Variants in ATP13A3 observed in about 807,000 individuals in gnomAD.
ATP13A3 encodes the protein ATPase 13A3.
A neutral mutation model predicts 158.1 loss-of-function variants in ATP13A3; 59 were observed. That is an observed-to-expected ratio of 0.37 (90% CI 0.30 to 0.46). The LOEUF is 0.46. ATP13A3 is among the 20% of genes least tolerant of loss of function. ATP13A3 has a pLI of 1.00. For synonymous variants in ATP13A3, 491 were observed against 504.3 expected (o/e 0.97, Z 0.35); for missense variants, 1,166 against 1,525.2 (o/e 0.76, Z 3.92).
Position 194,450,052 on chromosome 3 carries a change from A to C in ATP13A3, c.970+93T>G, listed in dbSNP as rs952544216. ...CCAACATATTCATGAGTAAAGGTAC[A>C]AATGACATAGCTAATTTTGAAAAGG... is the stretch of plus-strand genomic sequence containing the variant. On this transcript the variant is annotated intron_variant, in intron 11 of 33. Transcript: ENST00000645319. 88 of 1,330,804 alleles carry C rather than the reference A, an allele frequency of 6.6e-5. 2 individuals carry two copies. The Middle Eastern group carries it at 9.4e-4, about 14-fold the overall frequency. The allele number at this position is 1,330,804 out of a possible 1,614,324, so 82.4% of individuals were successfully genotyped here.
intron 23 of ATP13A3, 40 bp from the exon 24 acceptor site, chr3:194,431,062 G>A (rs762414017): frequency 9.3e-5 from 150 of 1,613,166 alleles, no homozygotes; most frequent in Non-Finnish European, 1.1e-4. Flanking sequence ...ATACTGTTGC[G>A]ATGCATTCAT....
At position 194,455,979 on chromosome 3, in the gene ATP13A3, C is replaced by T. The variant is rs759819230; in HGVS notation, c.561-17G>A. On this transcript the variant is annotated splice_polypyrimidine_tract_variant and intron_variant, in intron 7 of 33. Coordinates refer to ENST00000645319, the MANE Select transcript of ATP13A3 (RefSeq NM_001367549.1). ...AGCAGTTTTCTATAACAGGAAAATA[C>T]ATTCATAGTATTACATTATATCATA... 7.0e-7 allele frequency: 1 copy of T among 1,425,774 alleles called. No individual in the cohort carries two copies. The highest frequency in any genetic ancestry group is 1.3e-5 in the South Asian group (1 of 78,932). The allele number at this position is 1,425,774 out of a possible 1,614,324, so 88.3% of individuals were successfully genotyped here.
chr3:194,410,953 TGTGTG>T (rs1560067432), intron 33 of ATP13A3, among the ~76,000 whole-genome samples: 2 of 151,404 alleles, frequency 1.3e-5, no homozygotes, highest in Non-Finnish European at 2.9e-5. Context: ...TGTGTGTGTG[TGTGTG>T]TGTGTGTGTG....
intron 31 of ATP13A3, among the ~76,000 whole-genome samples, chr3:194,418,677 T>C (rs566331816): frequency 6.6e-6 from 1 of 152,370 alleles, no homozygotes; most frequent in East Asian, 1.9e-4. Flanking sequence ...AACAACAGGA[T>C]GTCAAACACT....
At chr3:194,449,381 G>A (rs1004027240) in intron 11 of ATP13A3, among the ~76,000 whole-genome samples, 7 of 152,040 alleles carry the variant, frequency 4.6e-5, no homozygotes, top group Middle Eastern at 3.4e-3. Flanking sequence ...AAATTCACAC[G>A]ATTAAAATAA....
chr3:194,439,154 T>A (rs551795354), intron 16 of ATP13A3, among the ~76,000 whole-genome samples, 182 bp from the exon 17 acceptor site: 1 of 152,154 alleles, frequency 6.6e-6, no homozygotes, highest in Admixed American at 6.5e-5. Flanking sequence ...AAAGAAAATA[T>A]GAACAAAGAT....
At chr3:194,449,764 G>A (rs1302648817) in intron 11 of ATP13A3, among the ~76,000 whole-genome samples, 2 of 151,772 alleles carry the variant, frequency 1.3e-5, no homozygotes, top group African/African-American at 4.8e-5. Flanking sequence ...TTTAAAGCCT[G>A]TATCTCCTCA....
At chr3:194,411,674 A>G (rs2108727194) in intron 33 of ATP13A3, among the ~76,000 whole-genome samples, 1 of 152,306 alleles carries the variant, frequency 6.6e-6, no homozygotes, top group Non-Finnish European at 1.5e-5. Flanking sequence ...TCTGAATACT[A>G]AGGTATACAA....
intron 21 of ATP13A3, chr3:194,432,104 A>G (rs1717267381): frequency 4.5e-6 from 2 of 440,784 alleles, no homozygotes; most frequent in African/African-American, 2.0e-5. Flanking sequence ...TATATGCTAA[A>G]GAAAACATCT....
intron 15 of ATP13A3, among the ~76,000 whole-genome samples, chr3:194,443,469 G>A (rs1418405826): frequency 6.6e-6 from 1 of 152,122 alleles, no homozygotes; most frequent in African/African-American, 2.4e-5. Flanking sequence ...GCACATCATG[G>A]CACAGAAAGA....
At chr3:194,493,424 A>T (rs1721167799) in intron 2 of ATP13A3, among the ~76,000 whole-genome samples, 1 of 152,118 alleles carries the variant, frequency 6.6e-6, no homozygotes, top group Non-Finnish European at 1.5e-5. Context: ...AGGCAGGTGG[A>T]TCACTTGAGG....
intron 33 of ATP13A3, among the ~76,000 whole-genome samples, chr3:194,411,208 T>TA (rs1715404232): frequency 6.6e-6 from 1 of 151,828 alleles, no homozygotes; most frequent in South Asian, 2.1e-4. Context: ...ATGACCAAAA[T>TA]AAAGCTCAGG....
At position 194,403,908 on chromosome 3, in the gene ATP13A3, T is replaced by G; in HGVS notation, c.*2011A>C. 1 of 285,978 alleles carries G rather than the reference T, an allele frequency of 3.5e-6. No individual in the cohort carries two copies. The highest frequency in any genetic ancestry group is 2.7e-5 in the South Asian group (1 of 37,372). 17.7% of individuals were successfully genotyped at this position (285,978 alleles called of 1,614,324 possible). A position where few individuals can be genotyped will look rare whatever the true frequency, so the allele number is the denominator to read the frequency against. Reference sequence around the variant, plus strand: ...ATAAAACCCTTACTAACTCTAAATGTTAAAAAAGTGGGGGGGGGGTGTCAA... The same window carrying G: ...ATAAAACCCTTACTAACTCTAAATGGTAAAAAAGTGGGGGGGGGGTGTCAA... On this transcript the variant is annotated 3_prime_UTR_variant, in exon 34 of 34. Coordinates refer to ENST00000645319, the MANE Select transcript of ATP13A3 (RefSeq NM_001367549.1).
intron 2 of ATP13A3, among the ~76,000 whole-genome samples, chr3:194,465,914 G>A (rs958174380): frequency 1.3e-5 from 2 of 151,700 alleles, no homozygotes; most frequent in African/African-American, 4.8e-5. Context: ...TCCCAGAGGC[G>A]GAAGCTACAG....
At chr3:194,491,475 GC>G (rs1408537660), upstream of ATP13A3, among the ~76,000 whole-genome samples, 1 of 151,392 alleles carries the variant, frequency 6.6e-6, no homozygotes, top group Non-Finnish European at 1.5e-5. Context: ...AATAATGCAT[GC>G]CCCCTCATCT....
chr3:194,454,600 G>C (rs187901771), intron 8 of ATP13A3, among the ~76,000 whole-genome samples: 245 of 149,630 alleles, frequency 1.6e-3, no homozygotes, highest in Non-Finnish European at 1.8e-3. Context: ...AGGCCAAGGC[G>C]GGCGGATCAT....
intron 33 of ATP13A3, among the ~76,000 whole-genome samples, chr3:194,410,255 T>C (rs572465362): frequency 3.2e-4 from 38 of 118,150 alleles, no homozygotes; most frequent in Admixed American, 1.5e-3. Context: ...AACCCAGGAG[T>C]TTGAGACCAG....
chr3:194,450,465 G>T, intron 10 of ATP13A3, 189 bp from the exon 11 acceptor site: 1 of 555,886 alleles, frequency 1.8e-6, no homozygotes, highest in Non-Finnish European at 3.1e-6. Flanking sequence ...GTGTCAGCTA[G>T]TTAGTCTCCT....
At position 194,409,693 on chromosome 3, in the gene ATP13A3, A is replaced by ATTTTTTTTTTTTTTTTTTTT. The variant is rs71179358; in HGVS notation, c.3573+2486_3573+2505dup. Among the ~76,000 whole-genome samples, 82 of 93,992 alleles carry ATTTTTTTTTTTTTTTTTTTT rather than the reference A, an allele frequency of 8.7e-4. 16 individuals carry two copies. Among genetic ancestry groups the ATTTTTTTTTTTTTTTTTTTT allele is most frequent in the African/African-American group, 2.4e-3 (48 of 20,350 alleles). 61.7% of individuals were successfully genotyped at this position (93,992 alleles called of 152,430 possible). On this transcript the variant is annotated intron_variant, in intron 33 of 33. Coordinates refer to ENST00000645319, the MANE Select transcript of ATP13A3 (RefSeq NM_001367549.1). ...TGCTTGATAATCACTGACGTAAAGA[A>ATTTTTTTTTTTTTTTTTTTT]TTTTTTTTTTTTTTTTTTTTTTTTT...
Sources: gnomAD v4.1 joint callset for allele counts (sites outside exome capture counted in the v4.1 genomes callset) on GRCh38, gnomAD v4.1.1 for gene constraint, MANE v1.5 for transcripts, NCBI Gene and HGNC (gene_info 2026-07-23, HGNC 2026-07-21) for gene names.